Variants in EPHB1 observed in about 807,000 individuals in gnomAD.
EPHB1 encodes ephrin type-B receptor 1.
EPHB1 carries 30 observed loss-of-function variants against 94.4 expected under a neutral mutation model. The observed-to-expected ratio is 0.32, with a 90% CI of 0.24 to 0.43. The LOEUF is 0.43. Ranked by LOEUF, EPHB1 falls within the 20% of genes least tolerant of loss-of-function variation. The pLI is 1.00. For missense variants in EPHB1, 1,055 were observed against 1,308.3 expected (o/e 0.81, Z 2.99); for synonymous variants, 522 against 489.1 (o/e 1.07, Z -0.89).
chr3:135,015,310 G>A (rs1362191507), intron 3 of EPHB1, among the ~76,000 whole-genome samples: 3 of 151,490 alleles, frequency 2.0e-5, no homozygotes, highest in East Asian at 1.9e-4. Context: ...GCATGATCTC[G>A]GCTCACTGCA....
intron 3 of EPHB1, among the ~76,000 whole-genome samples, chr3:135,002,796 G>A (rs1188634524): frequency 6.6e-6 from 1 of 151,970 alleles, no homozygotes; most frequent in Non-Finnish European, 1.5e-5. Flanking sequence ...TGTGGGATCA[G>A]TGGTGATATC....
chr3:134,825,005 G>A (rs2036449429), intron 1 of EPHB1, among the ~76,000 whole-genome samples: 2 of 152,256 alleles, frequency 1.3e-5, no homozygotes, highest in Non-Finnish European at 2.9e-5. Flanking sequence ...CTGCAGGACT[G>A]TAAGAGCTAA....
chr3:134,987,316 G>A (rs1261304253), intron 3 of EPHB1, among the ~76,000 whole-genome samples: 2 of 152,140 alleles, frequency 1.3e-5, no homozygotes, highest in Non-Finnish European at 2.9e-5. Flanking sequence ...GCCCTGTAGG[G>A]CCTAAGGCTC....
At chr3:134,942,129 G>A (rs2039132252) in intron 2 of EPHB1, among the ~76,000 whole-genome samples, 1 of 152,204 alleles carries the variant, frequency 6.6e-6, no homozygotes, top group Admixed American at 6.5e-5. Flanking sequence ...TTAGCCTGGT[G>A]GCACCTGCAG....
intron 3 of EPHB1, among the ~76,000 whole-genome samples, chr3:135,099,310 TGGATGGATGGAC>T (rs71157322): frequency 0.64 from 96,134 of 150,820 alleles, 31,169 homozygotes; most frequent in East Asian, 0.96. Flanking sequence ...GATGGATGGA[TGGATGGATGGAC>T]GGATGGATGG....
In EPHB1 at chr3:134,941,926, G is replaced by A. The variant is rs543492513; in HGVS notation, c.124-9445G>A. ...ACCTAGATCTTGGAGAGACCTGAAA[G>A]TGTCTTTCTCATACATCAAAGTCAT... On this transcript the variant is annotated intron_variant, in intron 2 of 15. Coordinates refer to ENST00000398015, the MANE Select transcript of EPHB1 (RefSeq NM_004441.5). 5.3e-5 allele frequency among the ~76,000 whole-genome samples: 8 copies of A among 152,284 alleles called. No homozygotes were observed. The South Asian group carries it at 1.2e-3, about 24-fold the overall frequency.
At chr3:135,066,822 G>T (rs1029721485) in intron 3 of EPHB1, among the ~76,000 whole-genome samples, 3 of 152,190 alleles carry the variant, frequency 2.0e-5, no homozygotes, top group African/African-American at 7.2e-5. Context: ...ATTTGAGTAG[G>T]CTCTGTCAGA....
intron 1 of EPHB1, among the ~76,000 whole-genome samples, chr3:134,881,082 GGGGTAGCCA>G (rs1334510387): frequency 6.6e-6 from 1 of 152,062 alleles, no homozygotes. Context: ...TGGGGGATTT[GGGGTAGCCA>G]AATCCCCCAC....
intron 3 of EPHB1, among the ~76,000 whole-genome samples, chr3:135,084,093 A>G (rs551066695): frequency 1.8e-4 from 28 of 152,234 alleles, no homozygotes; most frequent in Non-Finnish European, 3.7e-4. Context: ...ATATGCCAAG[A>G]AAAATGAAAT....
rs776535992 is a variant in EPHB1 at position 134,951,645 on chromosome 3, C to T, written c.398C>T (p.Pro133Leu). The change falls in exon 3 of 16, where the codon CCC becomes CTC. Residue 133 changes from proline (P) to leucine (L), a missense_variant. Coordinates refer to ENST00000398015, the MANE Select transcript of EPHB1 (RefSeq NM_004441.5). This position sits in a 1 kb window ranked among gnomAD's most constrained non-coding sequence, Gnocchi z 4.5. The part of the protein sequence containing the change: ...TKKSAFWSEA[P>L]YLKVDTIAAD... ...AAGTCAGCCTTCTGGTCTGAGGCCC[C>T]CTACCTCAAAGTAGACACCATTGCT... The T allele has an allele frequency of 1.1e-5, 17 of 1,613,898 alleles. No homozygotes were observed. In the South Asian group the frequency reaches 1.9e-4, roughly 18 times the overall value.
At chr3:134,939,556 C>T (rs773186291) in intron 2 of EPHB1, among the ~76,000 whole-genome samples, 10 of 152,144 alleles carry the variant, frequency 6.6e-5, no homozygotes, top group African/African-American at 9.7e-5. Flanking sequence ...TTATGCCCCA[C>T]GGACTGCATT....
At chr3:134,957,648 G>T (rs940692656) in intron 3 of EPHB1, among the ~76,000 whole-genome samples, 6 of 152,208 alleles carry the variant, frequency 3.9e-5, no homozygotes, top group African/African-American at 1.2e-4. Flanking sequence ...AGAAGCTGAA[G>T]ACTGACTGTC....
chr3:135,017,204 G>T (rs1935828107), intron 3 of EPHB1, among the ~76,000 whole-genome samples: 1 of 152,128 alleles, frequency 6.6e-6, no homozygotes, highest in African/African-American at 2.4e-5. Context: ...TGCTGGGCTG[G>T]CAGTGAAGGT....
chr3:134,815,330 C>T (rs2036249743), intron 1 of EPHB1, among the ~76,000 whole-genome samples: 1 of 152,014 alleles, frequency 6.6e-6, no homozygotes, highest in South Asian at 2.1e-4. Flanking sequence ...ATGTATGCTA[C>T]CTGCTCTCAG....
intron 10 of EPHB1, among the ~76,000 whole-genome samples, chr3:135,181,978 T>A (rs1400532304): frequency 2.0e-5 from 3 of 152,242 alleles, no homozygotes; most frequent in Non-Finnish European, 4.4e-5. Context: ...CCAGTTACTC[T>A]GCCCAGTTAC....
At chr3:135,245,805 C>CAAAAAAAAAAA (rs34702210) in intron 13 of EPHB1, among the ~76,000 whole-genome samples, 1 of 26,776 alleles carries the variant, frequency 3.7e-5, no homozygotes, top group Non-Finnish European at 8.2e-5. Flanking sequence ...GACACCATCT[C>CAAAAAAAAAAA]AAAAAAAAAA....
chr3:135,170,905 G>A lies in EPHB1; in HGVS notation c.1759+3899G>A, dbSNP rs192714073. On this transcript the variant is annotated intron_variant, in intron 9 of 15. Coordinates refer to ENST00000398015, the MANE Select transcript of EPHB1 (RefSeq NM_004441.5). ...AAGTGGCCCTGACAGACTCACATCCGTGTGCAGGCAACTGCAGATAACATT... is the reference window on the plus strand; with the variant it reads ...AAGTGGCCCTGACAGACTCACATCCATGTGCAGGCAACTGCAGATAACATT... Among the ~76,000 whole-genome samples, 161 of 152,308 alleles carry A rather than the reference G, an allele frequency of 1.1e-3. 3 individuals are homozygous for A. The highest frequency in any genetic ancestry group is 5.0e-4 in the Non-Finnish European group (34 of 68,026).
chr3:135,120,032 C>T (rs1463820730), intron 4 of EPHB1, among the ~76,000 whole-genome samples: 1 of 152,176 alleles, frequency 6.6e-6, no homozygotes, highest in Non-Finnish European at 1.5e-5. Context: ...TCTGATATGT[C>T]TCAATGACTG....
At chr3:134,925,559 C>G (rs377398047) in intron 1 of EPHB1, among the ~76,000 whole-genome samples, 1 of 152,094 alleles carries the variant, frequency 6.6e-6, no homozygotes, top group African/African-American at 2.4e-5. Context: ...CTTGGGGTCA[C>G]CGGGGAGAGA....
Sources: gnomAD v4.1 joint callset for allele counts (sites outside exome capture counted in the v4.1 genomes callset) on GRCh38, gnomAD v4.1.1 for gene constraint, Gnocchi (gnomAD v3.1) non-coding constraint, MANE v1.5 for transcripts, NCBI Gene and HGNC (gene_info 2026-07-23, HGNC 2026-07-21) for gene names.